The following CPS1 variants were observed in gnomAD, a reference collection of about 807,000 sequenced individuals.
CPS1 encodes carbamoyl-phosphate synthase [ammonia], mitochondrial.
In CPS1, 109 loss-of-function variants were observed where a neutral mutation model predicts 174.6. The observed-to-expected ratio is 0.62, with a 90% CI of 0.53 to 0.73. CPS1 has a LOEUF of 0.73. Among genes scored for constraint, CPS1 ranks in the 30% least tolerant of loss-of-function variants. The pLI is 0.00. For synonymous variants in CPS1, 637 were observed against 632.0 expected, an observed-to-expected ratio of 1.01 and a Z score of -0.12; for missense variants, 1,689 against 1,821.9, an observed-to-expected ratio of 0.93 and a Z score of 1.33.
At chr2:210,516,199 G>A (rs1345497238) in intron 1 of CPS1, among the ~76,000 whole-genome samples, 1 of 151,704 alleles carries the variant, frequency 6.6e-6, no homozygotes, top group Admixed American at 6.6e-5. Flanking sequence ...GTATTTTTAG[G>A]TGTCTATTAG....
chr2:210,518,445 T>C (rs1402694834), intron 1 of CPS1, among the ~76,000 whole-genome samples: 1 of 152,044 alleles, frequency 6.6e-6, no homozygotes, highest in Non-Finnish European at 1.5e-5. Context: ...ATTTACTGTG[T>C]TCTGGCCAAT....
chr2:210,538,380 G>C (rs1025078280), intron 1 of CPS1, among the ~76,000 whole-genome samples: 1 of 152,058 alleles, frequency 6.6e-6, no homozygotes, highest in Non-Finnish European at 1.5e-5. Flanking sequence ...AAATAGCCCA[G>C]AATGGAGGTT....
chr2:210,625,109 A>G (rs558522800), intron 21 of CPS1, among the ~76,000 whole-genome samples: 2 of 152,010 alleles, frequency 1.3e-5, no homozygotes, highest in African/African-American at 4.8e-5. Flanking sequence ...GTCATTATGT[A>G]TTGGGTACCT....
chr2:210,487,894 C>T (rs1380369966), intron 1 of CPS1, among the ~76,000 whole-genome samples: 2 of 152,122 alleles, frequency 1.3e-5, no homozygotes, highest in Non-Finnish European at 2.9e-5. Flanking sequence ...GGCACCAACA[C>T]AATACTAGAG....
rs866087081 is a variant in CPS1 at position 210,491,319 on chromosome 2, T to G, written c.3+13553T>G. Among the ~76,000 whole-genome samples the G allele has an allele frequency of 2.4e-5, 3 of 123,494 alleles. 1 individual carries two copies. The highest frequency in any genetic ancestry group is 5.1e-5 in the Non-Finnish European group (3 of 59,284). 81.0% of individuals were successfully genotyped at this position (123,494 alleles called of 152,430 possible). ...ATTTGGTATCTGTGTTTTTTTTTTT[T>G]TTTTTTTTTTTTTTTTTTTGAGACG... On this transcript the variant is annotated intron_variant, in intron 1 of 38. Transcript: ENST00000430249.
chr2:210,576,579 C>T, intron 3 of CPS1, 89 bp downstream of exon 3: 2 of 1,365,250 alleles, frequency 1.5e-6, no homozygotes, highest in Non-Finnish European at 2.1e-6. Flanking sequence ...AAACTTTCTT[C>T]CTCAATACGG....
chr2:210,632,634 G>C (rs1346828836), intron 21 of CPS1, among the ~76,000 whole-genome samples: 1 of 152,208 alleles, frequency 6.6e-6, no homozygotes, highest in Non-Finnish European at 1.5e-5. Context: ...CTGACTGTGG[G>C]AAGGGATCTA....
chr2:210,577,274 AT>A lies in CPS1; in HGVS notation c.382-134del, dbSNP rs55986465. 99,467 of 488,696 alleles carry A rather than the reference AT, an allele frequency of 0.2. 3 individuals are homozygous for A. The highest frequency in any genetic ancestry group is 0.27 in the South Asian group (10,218 of 38,382). 30.3% of individuals were successfully genotyped at this position (488,696 alleles called of 1,614,324 possible). Reference sequence around the variant, plus strand: ...TACATATTTTAAAAGAAGGGCATTGATTTTTTTTTTTTTGCCTCTTGTTTTT... The same window carrying A: ...TACATATTTTAAAAGAAGGGCATTGATTTTTTTTTTTTGCCTCTTGTTTTT... On this transcript the variant is annotated intron_variant, in intron 3 of 37. Transcript: ENST00000233072.
intron 15 of CPS1, among the ~76,000 whole-genome samples, chr2:210,601,695 T>TAAAA (rs1200188331): frequency 6.6e-6 from 1 of 151,584 alleles, no homozygotes; most frequent in Non-Finnish European, 1.5e-5. Context: ...TTCTGTAAGT[T>TAAAA]AAAAAAAAGA....
intron 1 of CPS1, chr2:210,477,831 G>A: frequency 6.4e-7 from 1 of 1,558,494 alleles, no homozygotes. Flanking sequence ...CAACTCACAA[G>A]AGAGAAAAGG....
chr2:210,642,698 A>G, intron 25 of CPS1, 33 bp downstream of exon 25: 1 of 1,589,348 alleles, frequency 6.3e-7, no homozygotes, highest in Non-Finnish European at 8.6e-7. Context: ...AAAAGAAAAA[A>G]GAAGACAGAT....
At chr2:210,492,657 C>CAA (rs1369785969) in intron 1 of CPS1, among the ~76,000 whole-genome samples, 4 of 151,560 alleles carry the variant, frequency 2.6e-5, no homozygotes, top group African/African-American at 9.7e-5. Context: ...TAAGAGTGCA[C>CAA]AAAAATTGAA....
At chr2:210,577,318 T>A in intron 3 of CPS1, 103 bp from the exon 4 acceptor site, 1 of 891,792 alleles carries the variant, frequency 1.1e-6, no homozygotes, top group Non-Finnish European at 1.9e-6. Flanking sequence ...CTAAGTCTCA[T>A]GTCAGTGGAT....
At chr2:210,651,696 T>C (rs1482669128) in intron 28 of CPS1, among the ~76,000 whole-genome samples, 1 of 152,196 alleles carries the variant, frequency 6.6e-6, no homozygotes, top group East Asian at 1.9e-4. Context: ...CAAAGTTTAA[T>C]AATAGAGATG....
intron 20 of CPS1, among the ~76,000 whole-genome samples, chr2:210,613,122 T>C (rs1699185963): frequency 2.0e-5 from 3 of 151,988 alleles, no homozygotes; most frequent in African/African-American, 7.2e-5. Context: ...TGTGTATGTG[T>C]GTGCATGTGG....
intron 1 of CPS1, among the ~76,000 whole-genome samples, chr2:210,541,707 A>C (rs1696436752): frequency 6.6e-6 from 1 of 152,152 alleles, no homozygotes; most frequent in Non-Finnish European, 1.5e-5. Flanking sequence ...TGTGAAGTAC[A>C]TTTCCCCCAA....
chr2:210,484,724 G>A (rs1694669580), intron 1 of CPS1, among the ~76,000 whole-genome samples: 2 of 152,050 alleles, frequency 1.3e-5, no homozygotes, highest in African/African-American at 4.8e-5. Flanking sequence ...CCTAAATTCT[G>A]TATTCTCATA....
intron 1 of CPS1, among the ~76,000 whole-genome samples, chr2:210,485,239 A>T (rs1375393038): frequency 3.7e-4 from 53 of 142,096 alleles, no homozygotes; most frequent in African/African-American, 1.1e-3. Context: ...CTCAAAAAAA[A>T]AAAAAATAAA....
At position 210,608,576 on chromosome 2, in the gene CPS1, T is replaced by G; in HGVS notation, c.2391+17T>G. 1 of 1,608,688 alleles carries G rather than the reference T, an allele frequency of 6.2e-7. No individual in the cohort carries two copies. ...GTAGGAGAGGTGAGTCCTTGGTTTATTACGCTTTTCTTCTTGTTCTCAGTT... is the reference window on the plus strand; with the variant it reads ...GTAGGAGAGGTGAGTCCTTGGTTTAGTACGCTTTTCTTCTTGTTCTCAGTT... On this transcript the variant is annotated intron_variant, in intron 19 of 37. Coordinates refer to ENST00000233072, the MANE Select transcript of CPS1 (RefSeq NM_001875.5).
Sources: gnomAD v4.1 joint callset for allele counts (sites outside exome capture counted in the v4.1 genomes callset) on GRCh38, gnomAD v4.1.1 for gene constraint, MANE v1.5 for transcripts, NCBI Gene and HGNC (gene_info 2026-07-23, HGNC 2026-07-21) for gene names.